ACOT7: variants seen among roughly 807,000 people sequenced by gnomAD.
The protein encoded by ACOT7 is acyl-CoA thioesterase 7, also known as cytosolic acyl coenzyme A thioester hydrolase.
A neutral mutation model predicts 40.2 loss-of-function variants in ACOT7; 12 were observed. The observed-to-expected ratio is 0.30, with a 90% CI of 0.19 to 0.48. The LOEUF is 0.48. Among genes scored for constraint, ACOT7 ranks in the 20% least tolerant of loss-of-function variants. The probability of loss-of-function intolerance (pLI) is 0.99; values close to 1 mark genes in which losing one functional copy is unlikely to be tolerated. For synonymous variants in ACOT7, 228 were observed against 219.5 expected (o/e 1.04, Z -0.34); for missense variants, 395 against 530.8 (o/e 0.74, Z 2.51).
intron 7 of ACOT7, among the ~76,000 whole-genome samples, chr1:6,286,123 G>A (rs982564221): frequency 6.6e-6 from 1 of 152,346 alleles, no homozygotes; most frequent in African/African-American, 2.4e-5. Context: ...ATCAGCCCAC[G>A]AGCGGAGGTG....
rs1472836399 is a variant in ACOT7 at position 6,282,382 on chromosome 1, T to C, written c.830-1096A>G. 6.6e-6 allele frequency among the ~76,000 whole-genome samples: 1 copy of C among 152,172 alleles called. No individual in the cohort carries two copies. The highest frequency in any genetic ancestry group is 1.5e-5 in the Non-Finnish European group (1 of 68,028). On this transcript the variant is annotated intron_variant, in intron 7 of 8. Transcript: ENST00000361521. This position sits in a 1 kb window ranked among gnomAD's most constrained non-coding sequence, Gnocchi z 4.5. ...CCAGGCTGCAGAAACCCCCGGGGAC[T>C]TCCGGGGCAAGTGCTGCCCTGCGGT...
chr1:6,308,704 C>T (rs1359471223), intron 6 of ACOT7, among the ~76,000 whole-genome samples: 1 of 152,138 alleles, frequency 6.6e-6, no homozygotes, highest in Non-Finnish European at 1.5e-5. Context: ...GGAACAGCCA[C>T]AGGCAGAGGG....
chr1:6,385,641 C>A, intron 1 of ACOT7: 1 of 1,612,218 alleles, frequency 6.2e-7, no homozygotes, highest in Non-Finnish European at 8.5e-7. Context: ...CTCACAGAGC[C>A]GGAGAGCCCT....
chr1:6,372,682 G>A (rs1309433235), intron 1 of ACOT7, among the ~76,000 whole-genome samples: 2 of 151,588 alleles, frequency 1.3e-5, no homozygotes, highest in African/African-American at 4.9e-5. Context: ...CTGAGTAGCT[G>A]AGACTACAGG....
Position 6,294,793 on chromosome 1 carries a change from A to T in ACOT7, c.829+71T>A. 7.6e-7 allele frequency: 1 copy of T among 1,309,248 alleles called. No individual in the cohort carries two copies. The highest frequency in any genetic ancestry group is 1.1e-6 in the Non-Finnish European group (1 of 913,502). 81.1% of individuals were successfully genotyped at this position (1,309,248 alleles called of 1,614,324 possible). A position where few individuals can be genotyped will look rare whatever the true frequency, so the allele number is the denominator to read the frequency against. Reference sequence around the variant, plus strand: ...CACATGACCCTGGGTGTGAACAGAAAACAAACTGGTGCAGGGACCCAAGCA... The same window carrying T: ...CACATGACCCTGGGTGTGAACAGAATACAAACTGGTGCAGGGACCCAAGCA... On this transcript the variant is annotated intron_variant, in intron 7 of 8. Coordinates refer to ENST00000361521, the MANE Select transcript of ACOT7 (RefSeq NM_007274.4). The surrounding 1 kb of genome is among the most constrained non-coding windows in gnomAD (Gnocchi z 4.6).
intron 1 of ACOT7, among the ~76,000 whole-genome samples, chr1:6,368,423 C>A (rs193166456): frequency 3.2e-4 from 48 of 152,308 alleles, no homozygotes; most frequent in Admixed American, 9.2e-4. Flanking sequence ...GAAGCATAAC[C>A]CAAGCTCTGC....
At chr1:6,360,825 C>A in intron 1 of ACOT7, 2 of 1,334,042 alleles carry the variant, frequency 1.5e-6, no homozygotes, top group Non-Finnish European at 1.0e-6. Flanking sequence ...GTGTGCTAGG[C>A]CCACCACCCA....
rs956027847 is a variant in ACOT7, at chr1:6,269,407, G to A, written c.1015-4712C>T. Among the ~76,000 whole-genome samples the A allele has an allele frequency of 6.6e-5, 10 of 151,928 alleles. No homozygotes were observed. In the East Asian group the frequency reaches 9.7e-4, roughly 15 times the overall value. ...TGAGCTTGGCCTCCCCCAGGCGGGG[G>A]CCCTGCCCTGCCCTCAGCCATATTA... On this transcript the variant is annotated intron_variant, in intron 8 of 8. Coordinates refer to ENST00000361521, the MANE Select transcript of ACOT7 (RefSeq NM_007274.4).
At chr1:6,285,240 G>C (rs1410974499) in intron 7 of ACOT7, among the ~76,000 whole-genome samples, 1 of 152,204 alleles carries the variant, frequency 6.6e-6, no homozygotes, top group Non-Finnish European at 1.5e-5. Context: ...CCCCATTAGA[G>C]CCCCAGGTTT....
In ACOT7 at chr1:6,330,302, A is replaced by T. The variant is rs1001298860; in HGVS notation, c.511-2889T>A. On this transcript the variant is annotated intron_variant, in intron 4 of 8. Transcript: ENST00000361521. This position sits in a 1 kb window ranked among gnomAD's most constrained non-coding sequence, Gnocchi z 4.6. ...CATAAATGCCCATCGGAGCCAGGGA[A>T]GGAAGCTGTACTTTCTGGGATTCCT... Among the ~76,000 whole-genome samples, 4 of 152,184 alleles carry T rather than the reference A, an allele frequency of 2.6e-5. No individual in the cohort carries two copies. Among genetic ancestry groups the T allele is most frequent in the African/African-American group, 9.7e-5 (4 of 41,450 alleles).
chr1:6,341,523 A>G (rs931783766), intron 2 of ACOT7, among the ~76,000 whole-genome samples: 11 of 152,288 alleles, frequency 7.2e-5, no homozygotes, highest in Non-Finnish European at 1.5e-4. Flanking sequence ...CGGGTGGATC[A>G]CACGGTCAGG....
chr1:6,298,903 G>A (rs1329080014), intron 6 of ACOT7, among the ~76,000 whole-genome samples: 3 of 152,250 alleles, frequency 2.0e-5, no homozygotes, highest in African/African-American at 7.2e-5. Context: ...TTCCTTGGAG[G>A]GGGCAGCCTC....
At chr1:6,332,108 C>A (rs1212582762) in intron 4 of ACOT7, among the ~76,000 whole-genome samples, 3 of 152,198 alleles carry the variant, frequency 2.0e-5, no homozygotes, top group African/African-American at 7.2e-5. Flanking sequence ...TCTATTGGGT[C>A]TGGAAGCAAA....
rs57275707 is a variant in ACOT7, at chr1:6,339,739, G to GTTTTTTTTT, written c.262-159_262-151dup. 3 of 526,450 alleles carry GTTTTTTTTT rather than the reference G, an allele frequency of 5.7e-6. 1 individual carries two copies. Among genetic ancestry groups the GTTTTTTTTT allele is most frequent in the African/African-American group, 4.6e-5 (2 of 43,348 alleles). The allele number at this position is 526,450 out of a possible 1,614,324, so 32.6% of individuals were successfully genotyped here. ...TGTATCACCATTTATTGGCACCGCG[G>GTTTTTTTTT]TTTTTTTTTTTTTTTTTTGAGATGG... On this transcript the variant is annotated intron_variant, in intron 2 of 8. Transcript: ENST00000361521.
intron 1 of ACOT7, among the ~76,000 whole-genome samples, chr1:6,375,795 G>A (rs1183020300): frequency 1.3e-5 from 2 of 151,790 alleles, no homozygotes; most frequent in African/African-American, 2.4e-5. Flanking sequence ...AAAATTAGCC[G>A]GGCGTGGTGG....
chr1:6,297,787 A>G (rs186518189), intron 6 of ACOT7, among the ~76,000 whole-genome samples: 108 of 152,308 alleles, frequency 7.1e-4, no homozygotes, highest in African/African-American at 2.5e-3. Flanking sequence ...TCTGCTTCGA[A>G]ATACCGCAGT....
chr1:6,372,795 C>G (rs1642156206), intron 1 of ACOT7, among the ~76,000 whole-genome samples: 2 of 152,158 alleles, frequency 1.3e-5, no homozygotes, highest in South Asian at 4.1e-4. Context: ...AGTGATCCAA[C>G]CGCCTCAGCC....
Position 6,305,874 on chromosome 1 carries a change from G to A in ACOT7, c.713-10894C>T, listed in dbSNP as rs1290181932. ...GGAGGTTGTAGCGAGCCGAGATCAC[G>A]CCACTGCACTCCAGCCTGGGCACCA... On this transcript the variant is annotated intron_variant, in intron 6 of 8. Coordinates refer to ENST00000361521, the MANE Select transcript of ACOT7 (RefSeq NM_007274.4). Among the ~76,000 whole-genome samples the A allele has an allele frequency of 4.5e-3, 685 of 152,146 alleles. 7 individuals are homozygous for A. The highest frequency in any genetic ancestry group is 0.016 in the African/African-American group (661 of 41,470).
At chr1:6,295,266 G>A (rs1017622891) in intron 6 of ACOT7, 29 of 262,358 alleles carry the variant, frequency 1.1e-4, no homozygotes, top group Middle Eastern at 1.2e-3. Context: ...GGCAAGTTTT[G>A]TTACAATATC....
Sources: allele counts gnomAD v4.1 joint callset (sites outside exome capture counted in the v4.1 genomes callset), GRCh38; gene constraint gnomAD v4.1.1; non-coding constraint Gnocchi (gnomAD v3.1); transcripts MANE v1.5; gene names NCBI Gene and HGNC (gene_info 2026-07-23, HGNC 2026-07-21).